Variants in B9D1 observed in about 807,000 individuals in gnomAD.
B9D1 encodes B9 domain-containing protein 1.
In B9D1, 20 loss-of-function variants were observed where a neutral mutation model predicts 26.1. The ratio of observed to expected loss-of-function variants is 0.77; its 90% CI spans 0.54 to 1.12. B9D1 has a LOEUF of 1.12. Ranked by LOEUF, B9D1 falls within the 50% of genes most tolerant of loss-of-function variation. The pLI is 0.00. For missense variants in B9D1, 260 were observed against 273.7 expected, an observed-to-expected ratio of 0.95 and a Z score of 0.35; for synonymous variants, 105 against 103.1, an observed-to-expected ratio of 1.02 and a Z score of -0.11.
chr17:19,346,696 TC>T (rs1908843462), intron 5 of B9D1, among the ~76,000 whole-genome samples: 1 of 152,104 alleles, frequency 6.6e-6, no homozygotes, highest in African/African-American at 2.4e-5. Flanking sequence ...CCCTGATGTC[TC>T]CCTCATTCTG....
upstream of B9D1, chr17:19,363,077 G>A (rs775699583): frequency 2.6e-5 from 5 of 190,326 alleles, no homozygotes; most frequent in Non-Finnish European, 4.6e-5. Context: ...GCGCTGCAGA[G>A]CACGGGCGAC....
chr17:19,335,180 A>C (rs1362246205), downstream of B9D1: 3 of 388,466 alleles, frequency 7.7e-6, no homozygotes, highest in Non-Finnish European at 1.4e-5. Context: ...TATTTAAAAA[A>C]AAAACAACAG....
At chr17:19,343,520 G>C in intron 6 of B9D1, 59 bp from the exon 7 acceptor site, 1 of 1,611,494 alleles carries the variant, frequency 6.2e-7, no homozygotes. Flanking sequence ...GACCCAGGTT[G>C]ATCTGGGAAT....
intron 3 of B9D1, among the ~76,000 whole-genome samples, chr17:19,355,921 T>A (rs1271160738): frequency 6.6e-6 from 1 of 152,222 alleles, no homozygotes; most frequent in Non-Finnish European, 1.5e-5. Context: ...TATCTGACAA[T>A]TTCAGTGTCT....
chr17:19,368,723 T>A (rs190240207), intron 1 of B9D1, among the ~76,000 whole-genome samples: 1 of 152,032 alleles, frequency 6.6e-6, no homozygotes, highest in Admixed American at 6.6e-5. Flanking sequence ...GGCAGGAGGA[T>A]CATTCGAGCC....
intron 3 of B9D1, among the ~76,000 whole-genome samples, chr17:19,356,920 G>A (rs1316021442): frequency 1.3e-5 from 2 of 152,192 alleles, no homozygotes; most frequent in East Asian, 3.8e-4. Context: ...GAAGTCTATT[G>A]AAACTTCCTA....
At chr17:19,364,913 G>A (rs962626918), upstream of B9D1, among the ~76,000 whole-genome samples, 2 of 152,224 alleles carry the variant, frequency 1.3e-5, no homozygotes, top group African/African-American at 2.4e-5. The surrounding 1 kb of genome is among the most constrained non-coding windows in gnomAD (Gnocchi z 4.3). Context: ...AGGTGTCAGC[G>A]CCAGCCCTCT....
intron 1 of B9D1, chr17:19,377,720 G>C: frequency 2.0e-6 from 1 of 497,310 alleles, no homozygotes; most frequent in Non-Finnish European, 2.6e-6. Flanking sequence ...GGTGGGTCGG[G>C]ACAGCTCGGT....
At chr17:19,353,787 A>G (rs910789129) in intron 3 of B9D1, among the ~76,000 whole-genome samples, 2 of 152,138 alleles carry the variant, frequency 1.3e-5, no homozygotes, top group African/African-American at 2.4e-5. Flanking sequence ...CTAAAAATAC[A>G]AAATTAGCCG....
intron 1 of B9D1, among the ~76,000 whole-genome samples, chr17:19,376,371 A>T (rs1912099697): frequency 6.6e-6 from 1 of 152,148 alleles, no homozygotes; most frequent in South Asian, 2.1e-4. Flanking sequence ...GACATGCCTT[A>T]TTATACCCCT....
intron 6 of B9D1, 50 bp from the exon 7 acceptor site, chr17:19,343,511 A>T (rs1425640681): frequency 1.2e-6 from 2 of 1,612,762 alleles, no homozygotes; most frequent in South Asian, 2.2e-5. Flanking sequence ...GCAGAGAGAG[A>T]CCCAGGTTGA....
At chr17:19,357,713 G>A (rs1313585003) in intron 3 of B9D1, 127 bp downstream of exon 3, 1 of 756,566 alleles carries the variant, frequency 1.3e-6, no homozygotes, top group African/African-American at 1.7e-5. Flanking sequence ...GAACGTTGAG[G>A]GCTGCTTCAA....
At chr17:19,374,946 A>G (rs969292142) in intron 1 of B9D1, among the ~76,000 whole-genome samples, 8 of 152,340 alleles carry the variant, frequency 5.3e-5, no homozygotes, top group Non-Finnish European at 4.4e-5. Context: ...TGTTTAGAAT[A>G]TATAAAGAAC....
At position 19,343,340 on chromosome 17, in the gene B9D1, T is replaced by G; in HGVS notation, c.594A>C (p.Pro198=). The G allele has an allele frequency of 6.2e-7, 1 of 1,614,006 alleles. No individual in the cohort carries two copies. The highest frequency in any genetic ancestry group is 8.5e-7 in the Non-Finnish European group (1 of 1,179,982). Residue 198 remains proline, a synonymous_variant, in exon 7 of 7, where the codon CCA becomes CCC. Coordinates refer to ENST00000261499, the MANE Select transcript of B9D1 (RefSeq NM_015681.6). ...GCCTTCACTGGGGGAAGCTCTGGGG[T>G]GGGCTGGGCCCCAACACACCCTGTG... is the stretch of plus-strand genomic sequence containing the variant. The part of the protein sequence containing the change: ...SDTQGVLGPS[P]PQSFPQ
intron 3 of B9D1, among the ~76,000 whole-genome samples, chr17:19,355,528 T>TAAA (rs368938633): frequency 3.6e-5 from 5 of 138,056 alleles, no homozygotes; most frequent in Non-Finnish European, 3.1e-5. Context: ...TGTCTGCAAT[T>TAAA]AAAAAAAAAA....
At position 19,359,883 on chromosome 17, in the gene B9D1, C is replaced by T. The variant is rs1026162787; in HGVS notation, c.132+437G>A. On this transcript the variant is annotated intron_variant, in intron 2 of 6. Transcript: ENST00000261499. This position sits in a 1 kb window ranked among gnomAD's most constrained non-coding sequence, Gnocchi z 5.0. ...ACAGAGCGGGCTGAAGTTGTCACCA[C>T]AGTCCCTCACCTGGTGGAGGCAAGC... Among the ~76,000 whole-genome samples, 3 of 152,240 alleles carry T rather than the reference C, an allele frequency of 2.0e-5. No homozygotes were observed. The highest frequency in any genetic ancestry group is 1.9e-4 in the East Asian group (1 of 5,202).
Position 19,370,788 on chromosome 17 carries a change from T to C in B9D1, c.-298+7071A>G, listed in dbSNP as rs925461239. Among the ~76,000 whole-genome samples, 1 of 152,214 alleles carries C rather than the reference T, an allele frequency of 6.6e-6. No individual in the cohort carries two copies. Among genetic ancestry groups the C allele is most frequent in the African/African-American group, 2.4e-5 (1 of 41,456 alleles). On this transcript the variant is annotated intron_variant, in intron 1 of 5. Coordinates refer to the B9D1 transcript ENST00000477478. The surrounding 1 kb of genome is among the most constrained non-coding windows in gnomAD (Gnocchi z 5.1). ...ACTTCCCAGATGCGGCTTCCTGCCCTTTCCTCCACCAAAACCACACTCAGC... is the reference window on the plus strand; with the variant it reads ...ACTTCCCAGATGCGGCTTCCTGCCCCTTCCTCCACCAAAACCACACTCAGC...
Position 19,343,322 on chromosome 17 carries a change from C to T in B9D1, c.612G>A (p.Gln204=). ...GACTGTGCAGCCTGTGGAGCCTTCA[C>T]TGGGGGAAGCTCTGGGGTGGGCTGG... ...LGPSPPQSFP[Q] is the part of the protein sequence containing the mutation. The change falls in exon 7 of 7, where the codon CAG becomes CAA. Residue 204 remains glutamine, a synonymous_variant. Coordinates refer to ENST00000261499, the MANE Select transcript of B9D1 (RefSeq NM_015681.6). 1.2e-6 allele frequency: 2 copies of T among 1,614,184 alleles called. No individual in the cohort carries two copies. The highest frequency in any genetic ancestry group is 2.2e-5 in the East Asian group (1 of 44,882).
intron 5 of B9D1, among the ~76,000 whole-genome samples, chr17:19,346,662 T>C (rs1434719605): frequency 6.6e-6 from 1 of 152,148 alleles, no homozygotes; most frequent in Admixed American, 6.5e-5. Flanking sequence ...CTGCAGGCCC[T>C]TGTGTCCTGG....
Sources: allele counts gnomAD v4.1 joint callset (sites outside exome capture counted in the v4.1 genomes callset), GRCh38; gene constraint gnomAD v4.1.1; non-coding constraint Gnocchi (gnomAD v3.1); transcripts MANE v1.5; gene names NCBI Gene and HGNC (gene_info 2026-07-23, HGNC 2026-07-21).